Variants in DAAM1 observed in about 807,000 individuals in gnomAD.
The protein encoded by DAAM1 is disheveled-associated activator of morphogenesis 1.
DAAM1 carries 52 observed loss-of-function variants against 130.0 expected under a neutral mutation model. That is an observed-to-expected ratio of 0.40 (90% CI 0.32 to 0.50). The LOEUF (loss-of-function observed/expected upper bound fraction) is 0.50, where lower values mean the gene tolerates loss of function less well. Ranked by LOEUF, DAAM1 falls within the 20% of genes least tolerant of loss-of-function variation. The pLI, the probability that DAAM1 is intolerant of heterozygous loss-of-function variation, is 0.61. For synonymous variants in DAAM1, 452 were observed against 444.5 expected (o/e 1.02, Z -0.21); for missense variants, 1,134 against 1,303.8 (o/e 0.87, Z 2.01).
At chr14:59,346,797 A>G (rs1412524324) in intron 16 of DAAM1, among the ~76,000 whole-genome samples, 2 of 152,234 alleles carry the variant, frequency 1.3e-5, no homozygotes, top group South Asian at 2.1e-4. Flanking sequence ...CAAGACACAT[A>G]TTCCTGATTA....
At chr14:59,282,613 G>A (rs1883275356) in intron 2 of DAAM1, among the ~76,000 whole-genome samples, 1 of 152,142 alleles carries the variant, frequency 6.6e-6, no homozygotes. Context: ...CAGTGTGGTG[G>A]TGAAGAACAT....
intron 1 of DAAM1, among the ~76,000 whole-genome samples, chr14:59,209,316 T>C (rs2139407807): frequency 6.6e-6 from 1 of 152,342 alleles, no homozygotes; most frequent in East Asian, 1.9e-4. Flanking sequence ...AAGATAACCA[T>C]TTTTGTTTTT....
intron 3 of DAAM1, among the ~76,000 whole-genome samples, chr14:59,293,410 C>T (rs1260732962): frequency 3.3e-5 from 5 of 152,188 alleles, no homozygotes; most frequent in African/African-American, 9.7e-5. Context: ...TTGAAAACCT[C>T]ATCTCAAGTG....
chr14:59,227,948 A>T (rs934416907), intron 1 of DAAM1, among the ~76,000 whole-genome samples: 4 of 152,176 alleles, frequency 2.6e-5, no homozygotes, highest in African/African-American at 9.7e-5. Context: ...CCACACACCG[A>T]AACAGTTGAG....
intron 1 of DAAM1, among the ~76,000 whole-genome samples, chr14:59,257,707 C>T (rs889971233): frequency 8.5e-5 from 13 of 152,172 alleles, no homozygotes; most frequent in Admixed American, 6.5e-5. Context: ...CTCCTCTGGT[C>T]TGGACCCTGC....
At chr14:59,195,867 T>C (rs1887872440) in intron 1 of DAAM1, among the ~76,000 whole-genome samples, 1 of 151,300 alleles carries the variant, frequency 6.6e-6, no homozygotes, top group Non-Finnish European at 1.5e-5. Context: ...GTAATTCTAG[T>C]CAGATTTTTT....
intron 17 of DAAM1, among the ~76,000 whole-genome samples, chr14:59,349,610 T>C (rs1262988217): frequency 2.0e-5 from 3 of 152,266 alleles, no homozygotes; most frequent in Non-Finnish European, 2.9e-5. Context: ...ATTTAGGATG[T>C]GCCTGGTGGC....
intron 1 of DAAM1, among the ~76,000 whole-genome samples, chr14:59,193,346 G>A (rs1187428232): frequency 6.6e-6 from 1 of 152,160 alleles, no homozygotes; most frequent in Non-Finnish European, 1.5e-5. Flanking sequence ...TCTCTGAGCT[G>A]TCACCTTGTT....
intron 4 of DAAM1, among the ~76,000 whole-genome samples, chr14:59,317,527 A>G (rs1237138053): frequency 6.6e-6 from 1 of 152,170 alleles, no homozygotes; most frequent in Non-Finnish European, 1.5e-5. Flanking sequence ...TTCATGGCCC[A>G]GCAGCTAGAC....
chr14:59,246,568 A>G (rs913789751), intron 1 of DAAM1, among the ~76,000 whole-genome samples: 3 of 152,218 alleles, frequency 2.0e-5, no homozygotes, highest in African/African-American at 7.2e-5. Flanking sequence ...ATATATTCCC[A>G]GAAGTATGGT....
At chr14:59,257,035 C>T (rs1881925267) in intron 1 of DAAM1, among the ~76,000 whole-genome samples, 1 of 152,208 alleles carries the variant, frequency 6.6e-6, no homozygotes, top group South Asian at 2.1e-4. Flanking sequence ...TGGCCAGAAA[C>T]TCCTCGCTCT....
At chr14:59,294,097 A>G (rs144589623) in intron 3 of DAAM1, among the ~76,000 whole-genome samples, 1 of 152,328 alleles carries the variant, frequency 6.6e-6, no homozygotes, top group East Asian at 1.9e-4. Context: ...ACATTCTCAC[A>G]CATAGTAAAG....
intron 1 of DAAM1, among the ~76,000 whole-genome samples, chr14:59,234,839 G>A (rs950039008): frequency 6.6e-6 from 1 of 152,092 alleles, no homozygotes; most frequent in Non-Finnish European, 1.5e-5. Flanking sequence ...TTTATTGAGA[G>A]TTTTTAGCAT....
At chr14:59,233,266 G>A (rs942735876) in intron 1 of DAAM1, among the ~76,000 whole-genome samples, 1 of 152,108 alleles carries the variant, frequency 6.6e-6, no homozygotes, top group African/African-American at 2.4e-5. Context: ...CAGTGTAAAA[G>A]CGTTCCTATT....
chr14:59,253,898 A>G (rs1441082748), intron 1 of DAAM1, among the ~76,000 whole-genome samples: 1 of 152,240 alleles, frequency 6.6e-6, no homozygotes, highest in Non-Finnish European at 1.5e-5. Flanking sequence ...GGTAAACATA[A>G]TTGTTGAAAT....
chr14:59,235,754 C>A (rs749539383), intron 1 of DAAM1, among the ~76,000 whole-genome samples: 6 of 152,096 alleles, frequency 3.9e-5, no homozygotes, highest in African/African-American at 1.4e-4. Context: ...TGAGATCTTT[C>A]TAGCTTTCTG....
intron 16 of DAAM1, among the ~76,000 whole-genome samples, 154 bp downstream of exon 16, chr14:59,340,334 T>C (rs2139649647): frequency 6.6e-6 from 1 of 152,338 alleles, no homozygotes; most frequent in African/African-American, 2.4e-5. Flanking sequence ...TCTTGGTGCT[T>C]ACTTTCCCTA....
rs117794951 is a variant in DAAM1 at position 59,198,146 on chromosome 14, T to C, written c.-38+9378T>C. On this transcript the variant is annotated intron_variant, in intron 1 of 24. Coordinates refer to ENST00000360909, the MANE Select transcript of DAAM1 (RefSeq NM_001270520.2). Reference sequence around the variant, plus strand: ...ATGCGTACACTCGGGGACATTCACATTGGGGCTTCCTTCTTGTGTTTCCAT... The same window carrying C: ...ATGCGTACACTCGGGGACATTCACACTGGGGCTTCCTTCTTGTGTTTCCAT... Among the ~76,000 whole-genome samples the C allele has an allele frequency of 6.6e-5, 10 of 152,252 alleles. No homozygotes were observed. The South Asian group carries it at 1.5e-3, about 22-fold the overall frequency.
At chr14:59,315,582 G>C (rs567396957) in intron 4 of DAAM1, among the ~76,000 whole-genome samples, 1 of 152,270 alleles carries the variant, frequency 6.6e-6, no homozygotes, top group Non-Finnish European at 1.5e-5. Context: ...CAATATAATT[G>C]AGTTTAATGT....
Sources: allele counts gnomAD v4.1 joint callset (sites outside exome capture counted in the v4.1 genomes callset), GRCh38; gene constraint gnomAD v4.1.1; transcripts MANE v1.5; gene names NCBI Gene and HGNC (gene_info 2026-07-23, HGNC 2026-07-21).